Variants in KLHL8 observed in about 807,000 individuals in gnomAD.
KLHL8 encodes the protein kelch-like protein 8.
KLHL8 carries 38 observed loss-of-function variants against 63.5 expected under a neutral mutation model. The ratio of observed to expected loss-of-function variants is 0.60; its 90% CI spans 0.46 to 0.78. KLHL8 has a LOEUF of 0.78. Among genes scored for constraint, KLHL8 ranks in the 30% least tolerant of loss-of-function variants. The pLI is 0.00. For missense variants in KLHL8, 566 were observed against 752.4 expected, an observed-to-expected ratio of 0.75 and a Z score of 2.90; for synonymous variants, 224 against 254.3, an observed-to-expected ratio of 0.88 and a Z score of 1.13.
chr4:87,190,347 T>TA lies in KLHL8; in HGVS notation c.217-4549dup, dbSNP rs1022302196. Among the ~76,000 whole-genome samples the TA allele has an allele frequency of 2.6e-5, 4 of 152,166 alleles. No individual in the cohort carries two copies. The East Asian group carries it at 5.8e-4, about 22-fold the overall frequency. On this transcript the variant is annotated intron_variant, in intron 2 of 9. Coordinates refer to ENST00000273963, the MANE Select transcript of KLHL8 (RefSeq NM_020803.5). Reference sequence around the variant, plus strand: ...TAATAATAATCTTGATACTTCAAAATAAAAAATAACCTACTGGCCAGGGGC... The same window carrying TA: ...TAATAATAATCTTGATACTTCAAAATAAAAAAATAACCTACTGGCCAGGGGC...
intron 6 of KLHL8, among the ~76,000 whole-genome samples, chr4:87,175,374 C>CT (rs1183993778): frequency 6.6e-6 from 1 of 151,750 alleles, no homozygotes; most frequent in African/African-American, 2.4e-5. Flanking sequence ...TTTTCCTTTC[C>CT]TTTTTTTTAA....
chr4:87,236,571 T>G (rs931190480), intron 1 of KLHL8, among the ~76,000 whole-genome samples: 1 of 151,952 alleles, frequency 6.6e-6, no homozygotes, highest in African/African-American at 2.4e-5. Context: ...TAACATCACT[T>G]TAGAACACTA....
upstream of KLHL8, among the ~76,000 whole-genome samples, chr4:87,222,309 T>C (rs1390248957): frequency 1.3e-5 from 2 of 152,178 alleles, no homozygotes; most frequent in African/African-American, 4.8e-5. Flanking sequence ...CTAAAAGTCC[T>C]TTACTATACC....
chr4:87,172,181 A>G (rs1394286775), intron 6 of KLHL8, among the ~76,000 whole-genome samples: 1 of 152,198 alleles, frequency 6.6e-6, no homozygotes, highest in Non-Finnish European at 1.5e-5. Context: ...AAGTGAATGC[A>G]GTGTGCCATT....
chr4:87,167,277 C>A (rs936268230), intron 8 of KLHL8: 2 of 470,224 alleles, frequency 4.3e-6, no homozygotes, highest in East Asian at 4.8e-5. Flanking sequence ...ATATTAGAGA[C>A]CGAATCAAGT....
chr4:87,191,527 A>G (rs897170791), intron 2 of KLHL8, among the ~76,000 whole-genome samples: 4 of 151,850 alleles, frequency 2.6e-5, no homozygotes, highest in Non-Finnish European at 4.4e-5. Context: ...CTATTCCTTC[A>G]TTCTTACAGT....
chr4:87,172,752 T>C (rs1201800373), intron 6 of KLHL8, among the ~76,000 whole-genome samples: 1 of 152,216 alleles, frequency 6.6e-6, no homozygotes, highest in Non-Finnish European at 1.5e-5. Flanking sequence ...GCCACCATTA[T>C]TTCTTTACAT....
rs1733153977 is a variant in KLHL8, at chr4:87,232,563, T to C, written n.57+7695A>G. Among the ~76,000 whole-genome samples the C allele has an allele frequency of 3.3e-5, 5 of 152,232 alleles. No individual in the cohort carries two copies. In the South Asian group the frequency reaches 8.3e-4, roughly 25 times the overall value. On this transcript the variant is annotated intron_variant and non_coding_transcript_variant, in intron 1 of 1. Coordinates refer to the KLHL8 transcript ENST00000506274. ...AAGTGGAATTGCTGGTTTTACAATA[T>C]GCATGACTTCGATGTAACTAAAAAA...
chr4:87,189,679 G>GA (rs879283071), intron 2 of KLHL8, among the ~76,000 whole-genome samples: 350 of 145,544 alleles, frequency 2.4e-3, no homozygotes, highest in African/African-American at 7.8e-3. Flanking sequence ...TGTTGCTATT[G>GA]AAAAAAAAAA....
At chr4:87,174,783 TA>T (rs1407820231) in intron 6 of KLHL8, among the ~76,000 whole-genome samples, 2 of 152,154 alleles carry the variant, frequency 1.3e-5, no homozygotes, top group Non-Finnish European at 2.9e-5. Flanking sequence ...AAATAGGCAA[TA>T]AAATTTAATC....
chr4:87,220,184 T>C (rs1732775168), intron 1 of KLHL8: 1 of 152,522 alleles, frequency 6.6e-6, no homozygotes, highest in Admixed American at 6.5e-5. Flanking sequence ...CCGTGGAAGG[T>C]TGCTCAGGGG....
At chr4:87,222,805 A>G (rs537787190), upstream of KLHL8, among the ~76,000 whole-genome samples, 678 of 152,040 alleles carry the variant, frequency 4.5e-3, no homozygotes, top group African/African-American at 0.015. Context: ...GCTGGTCTCG[A>G]ACACCTGACC....
intron 6 of KLHL8, 141 bp from the exon 7 acceptor site, chr4:87,170,756 C>A: frequency 1.3e-6 from 1 of 786,340 alleles, no homozygotes; most frequent in Non-Finnish European, 2.0e-6. Context: ...TTAGATCTAT[C>A]AAAGCTTTTG....
chr4:87,170,977 C>T (rs530794928), intron 6 of KLHL8, among the ~76,000 whole-genome samples: 4 of 152,248 alleles, frequency 2.6e-5, no homozygotes, highest in Middle Eastern at 3.4e-3. Flanking sequence ...AGTTCTGCAG[C>T]GGAGGTCAGA....
chr4:87,185,656 G>A lies in KLHL8; in HGVS notation c.360C>T (p.Asp120=). The change falls in exon 3 of 10, where the codon GAC becomes GAT. Residue 120 remains aspartate, a synonymous_variant. Coordinates refer to ENST00000273963, the MANE Select transcript of KLHL8 (RefSeq NM_020803.5). ...IRDFDGDAIE[D]LVKFVYSSRL... ...GTGAAGAATAGACAAACTTTACCAA[G>A]TCTTCTATTGCATCACCATCAAAAT... is the stretch of plus-strand genomic sequence containing the variant. 2 of 1,614,168 alleles carry A rather than the reference G, an allele frequency of 1.2e-6. No homozygotes were observed. The highest frequency in any genetic ancestry group is 2.2e-5 in the South Asian group (2 of 91,086).
chr4:87,203,846 G>C (rs1342581194), intron 1 of KLHL8, among the ~76,000 whole-genome samples: 1 of 151,734 alleles, frequency 6.6e-6, no homozygotes, highest in African/African-American at 2.4e-5. Flanking sequence ...CACCATAAGA[G>C]AATAAAAAGA....
In KLHL8 at chr4:87,167,434, A is replaced by G. The variant is rs1450249750; in HGVS notation, c.1537+2645T>C. ...GCCAAATAAGGTGTTCTCCTACTCC[A>G]GGCTGTCCTCACTGTTCTGCCCCAT... On this transcript the variant is annotated intron_variant, in intron 8 of 9. Transcript: ENST00000273963. 12 of 486,744 alleles carry G rather than the reference A, an allele frequency of 2.5e-5. No homozygotes were observed. The Admixed American group carries it at 2.7e-4, about 11-fold the overall frequency. 30.2% of individuals were successfully genotyped at this position (486,744 alleles called of 1,614,324 possible).
chr4:87,227,523 A>G (rs1293880634), intron 1 of KLHL8, among the ~76,000 whole-genome samples: 3 of 152,144 alleles, frequency 2.0e-5, no homozygotes, highest in African/African-American at 4.8e-5. Flanking sequence ...GTTGGTATGT[A>G]CCTATAGTCC....
chr4:87,176,157 T>C (rs528627898), intron 6 of KLHL8, among the ~76,000 whole-genome samples: 70 of 152,358 alleles, frequency 4.6e-4, no homozygotes, highest in African/African-American at 1.6e-3. Flanking sequence ...GTTAACATTA[T>C]GGGAAGCCAG....
Sources: gnomAD v4.1 joint callset for allele counts (sites outside exome capture counted in the v4.1 genomes callset) on GRCh38, gnomAD v4.1.1 for gene constraint, MANE v1.5 for transcripts, NCBI Gene and HGNC (gene_info 2026-07-23, HGNC 2026-07-21) for gene names.